Variants in QTGAL observed in about 807,000 individuals in gnomAD.
QTGAL encodes BGnT-like protein 1.
At chr17:82,995,320 TAAAC>T in the QTGAL span, among the ~76,000 whole-genome samples, 1 of 151,866 alleles carries the variant, frequency 6.6e-6, no homozygotes, top group Admixed American at 6.6e-5. Flanking sequence ...TTAGACCTGA[TAAAC>T]AAACTCAGCA....
the QTGAL span, among the ~76,000 whole-genome samples, chr17:82,966,208 T>C: frequency 2.0e-5 from 3 of 151,858 alleles, no homozygotes; most frequent in African/African-American, 7.3e-5. Context: ...CACACCACCG[T>C]GCCTGGCTAT....
the QTGAL span, among the ~76,000 whole-genome samples, chr17:82,986,389 G>C: frequency 1.3e-5 from 2 of 152,230 alleles, no homozygotes; most frequent in African/African-American, 4.8e-5. Flanking sequence ...GGAGAGGACA[G>C]GCTATACCCA....
chr17:82,945,357 T>A, the QTGAL span: 1 of 152,192 alleles, frequency 6.6e-6, no homozygotes, highest in Non-Finnish European at 1.5e-5. Context: ...CATACTGACA[T>A]GCAACAGTCC....
chr17:82,972,718 GTAC>G, the QTGAL span, among the ~76,000 whole-genome samples: 1 of 129,098 alleles, frequency 7.7e-6, no homozygotes, highest in African/African-American at 3.5e-5. Context: ...GAAGGACCTG[GTAC>G]TGACCACACC....
chr17:82,947,071 T>C, the QTGAL span: 1 of 1,186,986 alleles, frequency 8.4e-7, no homozygotes, highest in African/African-American at 1.5e-5. Flanking sequence ...GGGTTGGGGG[T>C]GGCCTGTGTC....
chr17:82,977,499 ACTTT>A, the QTGAL span, among the ~76,000 whole-genome samples: 2 of 151,944 alleles, frequency 1.3e-5, no homozygotes, highest in East Asian at 1.9e-4. Flanking sequence ...ACAAAAAAAA[ACTTT>A]TCTTTGTTTA....
At chr17:83,010,003 G>A in the QTGAL span, among the ~76,000 whole-genome samples, 2 of 140,408 alleles carry the variant, frequency 1.4e-5, no homozygotes, top group African/African-American at 5.3e-5. Context: ...CCCTGGTGTT[G>A]GGGGGCTGTG....
the QTGAL span, among the ~76,000 whole-genome samples, chr17:83,027,047 C>T: frequency 6.7e-6 from 1 of 149,070 alleles, no homozygotes; most frequent in Admixed American, 6.7e-5. Context: ...CCTCGACAGA[C>T]ACGCAGAGCA....
chr17:82,943,382 G>A, the QTGAL span: 1 of 152,250 alleles, frequency 6.6e-6, no homozygotes, highest in African/African-American at 2.4e-5. Context: ...TAGGGCTTGA[G>A]GTGCAGAACC....
chr17:83,010,806 G>A, the QTGAL span, among the ~76,000 whole-genome samples: 1 of 152,200 alleles, frequency 6.6e-6, no homozygotes, highest in Admixed American at 6.5e-5. Context: ...AGGATGCAGG[G>A]CACGGCGGCT....
At chr17:83,031,082 C>G in the QTGAL span, among the ~76,000 whole-genome samples, 2 of 152,226 alleles carry the variant, frequency 1.3e-5, no homozygotes, top group Admixed American at 6.5e-5. Flanking sequence ...AGGCTATTTT[C>G]TTTAAAAGCC....
At chr17:83,051,309 G>C in the QTGAL span, among the ~76,000 whole-genome samples, 1 of 150,746 alleles carries the variant, frequency 6.6e-6, no homozygotes, top group East Asian at 2.0e-4. Flanking sequence ...AGGCGGGAGC[G>C]AGGCAGGTGT....
the QTGAL span, among the ~76,000 whole-genome samples, chr17:83,010,477 C>T: frequency 6.6e-6 from 1 of 152,248 alleles, no homozygotes; most frequent in Non-Finnish European, 1.5e-5. Context: ...CTCCAAGGCC[C>T]AGTCTGGCAT....
chr17:82,942,372 G>A, the QTGAL span: 67 of 1,606,322 alleles, frequency 4.2e-5, no homozygotes, highest in East Asian at 1.4e-3. Flanking sequence ...ACAGGGCCCA[G>A]AGGGGTGAGG....
chr17:82,996,521 C>CA, the QTGAL span, among the ~76,000 whole-genome samples: 32,793 of 124,620 alleles, frequency 0.26, 4,070 homozygotes, highest in East Asian at 0.36. Context: ...GACTCTGCCT[C>CA]AAAAAAAAAA....
At chr17:83,035,756 G>A in the QTGAL span, among the ~76,000 whole-genome samples, 1 of 151,246 alleles carries the variant, frequency 6.6e-6, no homozygotes, top group Non-Finnish European at 1.5e-5. Flanking sequence ...AAGGAAGTCT[G>A]TAAAGTCTAC....
chr17:82,961,110 C>T, the QTGAL span: 1 of 1,610,014 alleles, frequency 6.2e-7, no homozygotes, highest in South Asian at 1.1e-5. Flanking sequence ...GCAGGAGACT[C>T]TGGTCCACGC....
the QTGAL span, among the ~76,000 whole-genome samples, chr17:83,031,350 G>A: frequency 1.4e-5 from 2 of 147,998 alleles, no homozygotes; most frequent in South Asian, 4.3e-4. Flanking sequence ...TCCCTCGCAG[G>A]ACCAGAGTCA....
chr17:82,954,102 C>T, the QTGAL span, among the ~76,000 whole-genome samples: 1 of 152,158 alleles, frequency 6.6e-6, no homozygotes, highest in African/African-American at 2.4e-5. Context: ...AGGATGGCCT[C>T]TCACCACTCC....
Sources: allele counts gnomAD v4.1 joint callset (sites outside exome capture counted in the v4.1 genomes callset), GRCh38; gene constraint gnomAD v4.1.1; transcripts MANE v1.5; gene names NCBI Gene and HGNC (gene_info 2026-07-23, HGNC 2026-07-21).